The following ERBB4 variants were observed in gnomAD, a reference collection of about 807,000 sequenced individuals.
The protein encoded by ERBB4 is erb-b2 receptor tyrosine kinase 4, also known as receptor tyrosine-protein kinase erbB-4.
In ERBB4, 42 loss-of-function variants were observed where a neutral mutation model predicts 158.0. The observed-to-expected ratio is 0.27, with a 90% confidence interval of 0.21 to 0.34. The LOEUF is 0.34. ERBB4 is among the 10% of genes least tolerant of loss of function. The pLI is 1.00. For missense variants in ERBB4, 1,333 were observed against 1,624.1 expected (o/e 0.82, Z 3.08); for synonymous variants, 583 against 558.7 (o/e 1.04, Z -0.61).
chr2:212,313,977 A>G (rs2087157870), intron 1 of ERBB4, among the ~76,000 whole-genome samples: 1 of 151,076 alleles, frequency 6.6e-6, no homozygotes, highest in South Asian at 2.1e-4. Context: ...ACAATCTACA[A>G]ACTTTCAAAT....
chr2:211,858,591 A>ATT lies in ERBB4; in HGVS notation c.422-70434_422-70433dup, dbSNP rs35111479. Among the ~76,000 whole-genome samples, 331 of 151,016 alleles carry ATT rather than the reference A, an allele frequency of 2.2e-3. 2 individuals are homozygous for ATT. The highest frequency in any genetic ancestry group is 7.6e-3 in the East Asian group (39 of 5,116). ...ATAAAATCATGGCTCACAAAAAGCC[A>ATT]TTTTTTTTTTATTTTGGCCAGCAAT... On this transcript the variant is annotated intron_variant, in intron 3 of 27. Transcript: ENST00000342788.
chr2:212,204,911 C>T (rs965188988), intron 1 of ERBB4, among the ~76,000 whole-genome samples: 11 of 150,562 alleles, frequency 7.3e-5, no homozygotes, highest in African/African-American at 2.2e-4. Flanking sequence ...CTCTGCCTCC[C>T]GGGTTCAAAC....
At chr2:212,288,473 G>A (rs1481223266) in intron 1 of ERBB4, among the ~76,000 whole-genome samples, 1 of 152,130 alleles carries the variant, frequency 6.6e-6, no homozygotes, top group Non-Finnish European at 1.5e-5. Context: ...CCTGAGCACT[G>A]GGAGGAATGC....
intron 17 of ERBB4, among the ~76,000 whole-genome samples, chr2:211,624,606 G>T (rs564672634): frequency 1.3e-5 from 2 of 152,144 alleles, no homozygotes; most frequent in African/African-American, 4.8e-5. Flanking sequence ...GAAGTACCAA[G>T]GCCCAAGTTT....
chr2:212,101,620 C>G (rs1459342506), intron 2 of ERBB4, among the ~76,000 whole-genome samples: 1 of 151,854 alleles, frequency 6.6e-6, no homozygotes, highest in Admixed American at 6.6e-5. Context: ...TGAAAACGCT[C>G]TTATCACCCT....
chr2:211,966,522 G>A (rs1381596533), intron 2 of ERBB4, among the ~76,000 whole-genome samples: 2 of 152,162 alleles, frequency 1.3e-5, no homozygotes, highest in Non-Finnish European at 2.9e-5. Context: ...TTACAAGCGT[G>A]AGCCACTGCA....
intron 1 of ERBB4, among the ~76,000 whole-genome samples, chr2:212,402,489 G>A (rs567291075): frequency 6.6e-6 from 1 of 152,144 alleles, no homozygotes; most frequent in South Asian, 2.1e-4. Context: ...ACACACACGA[G>A]TTCAAAGAAA....
intron 20 of ERBB4, among the ~76,000 whole-genome samples, chr2:211,535,107 G>A (rs568872903): frequency 2.2e-4 from 33 of 152,114 alleles, no homozygotes; most frequent in Admixed American, 3.3e-4. Context: ...TGTTTCCAAC[G>A]GGGAAAATTT....
rs769616742 is a variant in ERBB4, at chr2:211,705,433, T to C, written c.1125-42A>G. On this transcript the variant is annotated intron_variant, in intron 9 of 27. Coordinates refer to ENST00000342788, the MANE Select transcript of ERBB4 (RefSeq NM_005235.3). ...AGATGTAGCCAAATTTAAATTTTAC[T>C]AAAGGATTGAAAATATGAGAAATGT... is the stretch of plus-strand genomic sequence containing the variant. The C allele has an allele frequency of 2.4e-6, 3 of 1,243,670 alleles. No individual in the cohort carries two copies. In the South Asian group the frequency reaches 3.6e-5, roughly 15 times the overall value. 77.0% of individuals were successfully genotyped at this position (1,243,670 alleles called of 1,614,324 possible).
At chr2:212,404,735 T>G (rs2091299044) in intron 1 of ERBB4, among the ~76,000 whole-genome samples, 1 of 151,920 alleles carries the variant, frequency 6.6e-6, no homozygotes, top group Admixed American at 6.6e-5. Context: ...CAGTACAGAT[T>G]ATTTCAGCAC....
At chr2:211,679,429 A>G (rs2072246356) in intron 12 of ERBB4, among the ~76,000 whole-genome samples, 2 of 152,202 alleles carry the variant, frequency 1.3e-5, no homozygotes, top group Non-Finnish European at 2.9e-5. Flanking sequence ...TGAATTGCCT[A>G]TATAAAAACT....
chr2:211,909,886 C>T (rs952056361), intron 3 of ERBB4, among the ~76,000 whole-genome samples: 2 of 151,738 alleles, frequency 1.3e-5, no homozygotes, highest in Admixed American at 6.6e-5. Flanking sequence ...ATAGTCTGGA[C>T]AATCTTTCTG....
chr2:211,936,723 T>G (rs537381439), intron 3 of ERBB4, among the ~76,000 whole-genome samples: 1 of 152,212 alleles, frequency 6.6e-6, no homozygotes, highest in East Asian at 1.9e-4. Context: ...AAATAAGTAT[T>G]TTTTCTGCCT....
intron 2 of ERBB4, among the ~76,000 whole-genome samples, chr2:212,028,323 A>G (rs2076821374): frequency 6.6e-6 from 1 of 152,088 alleles, no homozygotes; most frequent in South Asian, 2.1e-4. Flanking sequence ...GCGACTCACT[A>G]TATTTTAAAA....
At chr2:212,229,891 A>G (rs1354606270) in intron 1 of ERBB4, among the ~76,000 whole-genome samples, 1 of 152,212 alleles carries the variant, frequency 6.6e-6, no homozygotes, top group East Asian at 1.9e-4. Flanking sequence ...ATGATAAAGA[A>G]TGTAGAGAAA....
intron 3 of ERBB4, among the ~76,000 whole-genome samples, chr2:211,833,799 G>T (rs375486684): frequency 2.2e-4 from 33 of 151,938 alleles, no homozygotes; most frequent in African/African-American, 7.7e-4. Flanking sequence ...ATGAATATCA[G>T]ATTAGACTAG....
chr2:211,564,309 C>T lies in ERBB4; in HGVS notation c.2302-2221G>A, dbSNP rs140964464. Among the ~76,000 whole-genome samples, 546 of 152,138 alleles carry T rather than the reference C, an allele frequency of 3.6e-3. 2 individuals are homozygous for T. The highest frequency in any genetic ancestry group is 7.5e-3 in the South Asian group (36 of 4,808). On this transcript the variant is annotated intron_variant, in intron 19 of 27. Transcript: ENST00000342788. ...ACAGAGCAAGAAGAACTGTTTTCAG[C>T]GGGAATGCTTCAGAGTACATTTAGG... is the stretch of plus-strand genomic sequence containing the variant.
At chr2:211,455,559 T>C (rs1490404945) in intron 20 of ERBB4, among the ~76,000 whole-genome samples, 1 of 152,214 alleles carries the variant, frequency 6.6e-6, no homozygotes. Context: ...AAAACCCACA[T>C]AAATCTCTCA....
chr2:212,270,052 T>C (rs1012649472), intron 1 of ERBB4, among the ~76,000 whole-genome samples: 2 of 151,786 alleles, frequency 1.3e-5, no homozygotes, highest in African/African-American at 4.8e-5. Context: ...AGTTTTGTCA[T>C]TTGCTCCTCT....
Sources: gnomAD v4.1 joint callset for allele counts (sites outside exome capture counted in the v4.1 genomes callset) on GRCh38, gnomAD v4.1.1 for gene constraint, MANE v1.5 for transcripts, NCBI Gene and HGNC (gene_info 2026-07-23, HGNC 2026-07-21) for gene names.